FAM83B: variants seen among roughly 807,000 people sequenced by gnomAD.
FAM83B encodes protein FAM83B.
A neutral mutation model predicts 38.8 loss-of-function variants in FAM83B; 26 were observed. The ratio of observed to expected loss-of-function variants is 0.67; its 90% CI spans 0.49 to 0.93. The LOEUF (loss-of-function observed/expected upper bound fraction) is 0.93. FAM83B is among the 40% of genes least tolerant of loss of function. The pLI, the probability that FAM83B is intolerant of heterozygous loss-of-function variation, is 0.00. For synonymous variants in FAM83B, 419 were observed against 423.1 expected (o/e 0.99, Z 0.12); for missense variants, 1,237 against 1,197.3 (o/e 1.03, Z -0.49).
At chr6:54,883,551 G>A (rs1404077740) in intron 2 of FAM83B, among the ~76,000 whole-genome samples, 4 of 147,364 alleles carry the variant, frequency 2.7e-5, no homozygotes, top group Admixed American at 1.4e-4. Flanking sequence ...GGTCAGGCTG[G>A]TCTCGAACTC....
chr6:54,862,887 C>T (rs940389906), intron 1 of FAM83B, among the ~76,000 whole-genome samples: 1 of 150,396 alleles, frequency 6.6e-6, no homozygotes, highest in African/African-American at 2.4e-5. Context: ...CCAAAAAAAC[C>T]ACGAAAAAAA....
intron 1 of FAM83B, among the ~76,000 whole-genome samples, chr6:54,864,321 C>T (rs557887741): frequency 6.6e-6 from 1 of 152,106 alleles, no homozygotes; most frequent in African/African-American, 2.4e-5. Flanking sequence ...AGGTATTGAG[C>T]AAATGGGATT....
At chr6:54,860,344 G>T (rs1421852655) in intron 1 of FAM83B, among the ~76,000 whole-genome samples, 2 of 152,124 alleles carry the variant, frequency 1.3e-5, no homozygotes, top group African/African-American at 4.8e-5. Flanking sequence ...GAGAGAGCAT[G>T]AAAGCTCCTC....
intron 2 of FAM83B, among the ~76,000 whole-genome samples, chr6:54,916,035 C>T (rs1773029564): frequency 6.6e-6 from 1 of 152,062 alleles, no homozygotes; most frequent in African/African-American, 2.4e-5. Context: ...CTAGCTTTAT[C>T]GCCATCTCTT....
chr6:54,895,256 G>A (rs1772502745), intron 2 of FAM83B, among the ~76,000 whole-genome samples: 1 of 152,126 alleles, frequency 6.6e-6, no homozygotes, highest in Non-Finnish European at 1.5e-5. Flanking sequence ...AGTATGAAGA[G>A]AACAAATTTG....
chr6:54,882,315 G>A (rs1362199013), intron 2 of FAM83B, among the ~76,000 whole-genome samples: 3 of 152,188 alleles, frequency 2.0e-5, no homozygotes, highest in African/African-American at 7.2e-5. Context: ...TTAATGCTAT[G>A]TGCCAGGCAG....
chr6:54,942,045 G>A lies in FAM83B; in HGVS notation c.*38G>A. 2 of 1,550,246 alleles carry A rather than the reference G, an allele frequency of 1.3e-6. No homozygotes were observed. Among genetic ancestry groups the A allele is most frequent in the Non-Finnish European group, 1.7e-6 (2 of 1,151,722 alleles). On this transcript the variant is annotated 3_prime_UTR_variant, in exon 5 of 5. Coordinates refer to ENST00000306858, the MANE Select transcript of FAM83B (RefSeq NM_001010872.3). ...AAAATGAATGAGGCTATCAATATTT[G>A]TCCAAAGAAAATTGTGGACAGTCTT...
At chr6:54,926,923 C>T (rs185337157) in intron 3 of FAM83B, among the ~76,000 whole-genome samples, 18 of 152,072 alleles carry the variant, frequency 1.2e-4, no homozygotes, top group African/African-American at 3.9e-4. Context: ...TTAGTAGAGA[C>T]GGGGTTTCAC....
At position 54,941,092 on chromosome 6, in the gene FAM83B, T is replaced by C. The variant is rs762903451; in HGVS notation, c.2121T>C (p.Ser707=). 4 of 1,613,512 alleles carry C rather than the reference T, an allele frequency of 2.5e-6. No homozygotes were observed. In the South Asian group the frequency reaches 4.4e-5, roughly 18 times the overall value. Residue 707 remains serine (S), a synonymous_variant, in exon 5 of 5, where the codon TCT becomes TCC. Coordinates refer to ENST00000306858, the MANE Select transcript of FAM83B (RefSeq NM_001010872.3). ...EKPKEDLLKS[S]KSMHNVTHNL... Reference sequence around the variant, plus strand: ...CCAAAGAAGATTTGCTGAAAAGTTCTAAAAGCATGCACAATGTGACTCATA... The same window carrying C: ...CCAAAGAAGATTTGCTGAAAAGTTCCAAAAGCATGCACAATGTGACTCATA...
At chr6:54,867,719 A>G (rs1771750026) in intron 1 of FAM83B, among the ~76,000 whole-genome samples, 1 of 152,044 alleles carries the variant, frequency 6.6e-6, no homozygotes, top group Non-Finnish European at 1.5e-5. Flanking sequence ...TTCCAGAATG[A>G]ATTTTTTACA....
At chr6:54,928,349 G>A (rs548630520) in intron 4 of FAM83B, among the ~76,000 whole-genome samples, 1 of 152,294 alleles carries the variant, frequency 6.6e-6, no homozygotes, top group East Asian at 1.9e-4. Context: ...GAAAGTCCAT[G>A]AGAAGGAGGT....
intron 2 of FAM83B, among the ~76,000 whole-genome samples, chr6:54,884,406 T>TG (rs999009583): frequency 7.0e-6 from 1 of 143,824 alleles, no homozygotes; most frequent in African/African-American, 2.6e-5. Context: ...TGCTTGAACC[T>TG]GGGGGGCGGA....
Position 54,940,840 on chromosome 6 carries a change from C to G in FAM83B, c.1869C>G (p.Ala623=), listed in dbSNP as rs547095945. Residue 623 remains alanine (A), a synonymous_variant, in exon 5 of 5, where the codon GCC becomes GCG. Transcript: ENST00000306858. The stretch of plus-strand genomic sequence containing the variant: ...AGGTTCCTGAAAACCACTCAGTAGC[C>G]TTAAACCAAACTACAAATGGCCATA... ...TLQVPENHSV[A]LNQTTNGHTE... 8 of 1,613,938 alleles carry G rather than the reference C, an allele frequency of 5.0e-6. No individual in the cohort carries two copies. In the South Asian group the frequency reaches 8.8e-5, roughly 18 times the overall value.
chr6:54,893,191 T>C (rs1372180899), intron 2 of FAM83B, among the ~76,000 whole-genome samples: 3 of 152,168 alleles, frequency 2.0e-5, no homozygotes, highest in Non-Finnish European at 2.9e-5. Context: ...ATTATAAGTG[T>C]GGTTGTAAGC....
At chr6:54,915,026 T>G (rs920448622) in intron 2 of FAM83B, among the ~76,000 whole-genome samples, 3 of 152,150 alleles carry the variant, frequency 2.0e-5, no homozygotes, top group African/African-American at 7.2e-5. Context: ...CACTGATATC[T>G]TCTATCATCA....
intron 1 of FAM83B, among the ~76,000 whole-genome samples, chr6:54,857,292 A>T (rs1265417545): frequency 6.6e-6 from 1 of 152,158 alleles, no homozygotes; most frequent in African/African-American, 2.4e-5. Flanking sequence ...ATTGGCCTTA[A>T]ATAGACTCAG....
chr6:54,944,596 A>G lies in FAM83B; in HGVS notation c.*2589A>G, dbSNP rs1171875149. On this transcript the variant is annotated 3_prime_UTR_variant, in exon 5 of 5. Coordinates refer to ENST00000306858, the MANE Select transcript of FAM83B (RefSeq NM_001010872.3). ...GAAGCAAATATCTTGTTTAATCAAGATGATGTCTAGTGTCACCTAAATAAT... is the reference window on the plus strand; with the variant it reads ...GAAGCAAATATCTTGTTTAATCAAGGTGATGTCTAGTGTCACCTAAATAAT... 5.9e-5 allele frequency: 9 copies of G among 152,194 alleles called. No individual in the cohort carries two copies. The East Asian group carries it at 1.7e-3, about 29-fold the overall frequency. The allele number at this position is 152,194 out of a possible 1,614,324, so 9.4% of individuals were successfully genotyped here.
intron 1 of FAM83B, among the ~76,000 whole-genome samples, chr6:54,867,848 C>G (rs948938462): frequency 2.0e-5 from 3 of 152,004 alleles, no homozygotes; most frequent in African/African-American, 7.2e-5. Context: ...TATAGGAATT[C>G]AAAAGTTACA....
At chr6:54,915,763 G>A (rs1773020803) in intron 2 of FAM83B, among the ~76,000 whole-genome samples, 1 of 80,732 alleles carries the variant, frequency 1.2e-5, no homozygotes, top group South Asian at 3.7e-4. Flanking sequence ...CCGAGATTGC[G>A]CCACTGCAGT....
Sources: gnomAD v4.1 joint callset for allele counts (sites outside exome capture counted in the v4.1 genomes callset) on GRCh38, gnomAD v4.1.1 for gene constraint, MANE v1.5 for transcripts, NCBI Gene and HGNC (gene_info 2026-07-23, HGNC 2026-07-21) for gene names.